The following PCSK2 variants were observed in gnomAD, a reference collection of about 807,000 sequenced individuals.
The protein encoded by PCSK2 is proprotein convertase subtilisin/kexin type 2.
A neutral mutation model predicts 69.7 loss-of-function variants in PCSK2; 14 were observed. The observed-to-expected ratio is 0.20, with a 90% CI of 0.13 to 0.31. The LOEUF (loss-of-function observed/expected upper bound fraction) is 0.31. Ranked by LOEUF, PCSK2 falls within the 10% of genes least tolerant of loss-of-function variation. The probability of loss-of-function intolerance (pLI) is 1.00; values close to 1 mark genes in which losing one functional copy is unlikely to be tolerated. For missense variants in PCSK2, 544 were observed against 842.5 expected, an observed-to-expected ratio of 0.65 and a Z score of 4.39; for synonymous variants, 307 against 320.7, an observed-to-expected ratio of 0.96 and a Z score of 0.46.
At chr20:17,444,854 C>A (rs372409355) in intron 8 of PCSK2, among the ~76,000 whole-genome samples, 24 of 152,366 alleles carry the variant, frequency 1.6e-4, no homozygotes, top group African/African-American at 5.8e-4. Flanking sequence ...TGGAATAAAA[C>A]CCATTGATGA....
chr20:17,376,486 C>A (rs766111341), intron 5 of PCSK2, among the ~76,000 whole-genome samples: 15 of 152,288 alleles, frequency 9.8e-5, no homozygotes, highest in Middle Eastern at 3.4e-3. Context: ...GGCTTCTAGG[C>A]CTATCCTAGA....
chr20:17,438,606 A>G (rs2032533357), intron 8 of PCSK2, among the ~76,000 whole-genome samples: 1 of 152,190 alleles, frequency 6.6e-6, no homozygotes, highest in Admixed American at 6.5e-5. Flanking sequence ...AATGGATGCC[A>G]TTGGTGCCCA....
At chr20:17,407,772 C>T (rs939206740) in intron 5 of PCSK2, among the ~76,000 whole-genome samples, 5 of 152,118 alleles carry the variant, frequency 3.3e-5, no homozygotes, top group South Asian at 4.2e-4. Flanking sequence ...TCAGTGGAGA[C>T]GAGAAGACTT....
chr20:17,422,627 G>A (rs1054293413), intron 6 of PCSK2, among the ~76,000 whole-genome samples: 1 of 151,936 alleles, frequency 6.6e-6, no homozygotes, highest in African/African-American at 2.4e-5. Flanking sequence ...AGGAAAAAAG[G>A]AGAAAAAAGA....
In PCSK2 at chr20:17,336,695, C is replaced by T. The variant is rs115055566; in HGVS notation, c.283-21632C>T. On this transcript the variant is annotated intron_variant, in intron 2 of 11. Transcript: ENST00000262545. ...AAACTACACATCATTGTTCACACTT[C>T]GTCATTTGCTAATTGATAATACAGC... 6.0e-3 allele frequency among the ~76,000 whole-genome samples: 907 copies of T among 152,244 alleles called. 9 individuals carry two copies. The highest frequency in any genetic ancestry group is 0.021 in the African/African-American group (871 of 41,552).
At chr20:17,418,051 G>A (rs1056581397) in intron 6 of PCSK2, among the ~76,000 whole-genome samples, 30 of 152,052 alleles carry the variant, frequency 2.0e-4, no homozygotes, top group Admixed American at 1.9e-3. Flanking sequence ...CAAATGATTG[G>A]GCAACAGATG....
chr20:17,415,754 G>C (rs567283893), intron 6 of PCSK2, among the ~76,000 whole-genome samples: 2 of 152,246 alleles, frequency 1.3e-5, no homozygotes, highest in Admixed American at 1.3e-4. Flanking sequence ...AACAAAGCTG[G>C]AGGCATCACG....
intron 5 of PCSK2, among the ~76,000 whole-genome samples, chr20:17,407,433 G>GA (rs200154821): frequency 0.021 from 3,193 of 151,814 alleles, 93 homozygotes; most frequent in African/African-American, 0.064. Flanking sequence ...TTGAAGCCCA[G>GA]AAAAAAAAGT....
chr20:17,409,859 T>C (rs2123303837), intron 6 of PCSK2, among the ~76,000 whole-genome samples: 1 of 152,334 alleles, frequency 6.6e-6, no homozygotes, highest in South Asian at 2.1e-4. Context: ...AAACAGTCCA[T>C]CCAAGAGAAT....
At chr20:17,287,141 T>C (rs1238428313) in intron 2 of PCSK2, among the ~76,000 whole-genome samples, 5 of 151,912 alleles carry the variant, frequency 3.3e-5, no homozygotes, top group African/African-American at 1.2e-4. Flanking sequence ...CTCACTTAAA[T>C]GTTAATCACA....
At chr20:17,229,458 A>AG (rs1986066743) in intron 1 of PCSK2, among the ~76,000 whole-genome samples, 1 of 149,338 alleles carries the variant, frequency 6.7e-6, no homozygotes, top group Non-Finnish European at 1.5e-5. Flanking sequence ...AGGGAGCCAT[A>AG]GGTTTCTGAA....
chr20:17,404,014 T>C (rs1006994754), intron 5 of PCSK2, among the ~76,000 whole-genome samples: 3 of 152,158 alleles, frequency 2.0e-5, no homozygotes, highest in Non-Finnish European at 4.4e-5. Flanking sequence ...AGAAAAGATG[T>C]CCCCTTCTGG....
chr20:17,421,807 TAAAAAAAAAA>T (rs56376793), intron 6 of PCSK2, among the ~76,000 whole-genome samples: 151 of 78,966 alleles, frequency 1.9e-3, no homozygotes, highest in African/African-American at 3.1e-3. Context: ...GGAAGAGAGG[TAAAAAAAAAA>T]AAAAAAAAAA....
rs2033461109 is a variant in PCSK2 at position 17,484,463 on chromosome 20, A to G, written c.*2393A>G. The G allele has an allele frequency of 1.3e-5, 2 of 152,582 alleles. No homozygotes were observed. The highest frequency in any genetic ancestry group is 4.8e-5 in the African/African-American group (2 of 41,458). 9.5% of individuals were successfully genotyped at this position (152,582 alleles called of 1,614,324 possible). ...GTCATTTATTTTAAAAAATGAAAAT[A>G]AGTGAATAATAATTAGGTTAACATT... On this transcript the variant is annotated 3_prime_UTR_variant, in exon 12 of 12. Coordinates refer to ENST00000262545, the MANE Select transcript of PCSK2 (RefSeq NM_002594.5).
intron 6 of PCSK2, among the ~76,000 whole-genome samples, chr20:17,419,007 G>A (rs2032064212): frequency 6.6e-6 from 1 of 152,204 alleles, no homozygotes; most frequent in South Asian, 2.1e-4. Context: ...TGTGAAAATA[G>A]AAAATAAAAT....
At chr20:17,406,274 C>T (rs947479942) in intron 5 of PCSK2, among the ~76,000 whole-genome samples, 9 of 152,236 alleles carry the variant, frequency 5.9e-5, no homozygotes, top group Middle Eastern at 3.4e-3. Context: ...ATAAACAGAA[C>T]GCTTGCAAAA....
At chr20:17,359,330 G>A (rs2030313416) in intron 3 of PCSK2, among the ~76,000 whole-genome samples, 1 of 152,154 alleles carries the variant, frequency 6.6e-6, no homozygotes. Flanking sequence ...GAGTGTACTT[G>A]TATTAGTTAG....
At chr20:17,421,442 A>G (rs1032933269) in intron 6 of PCSK2, among the ~76,000 whole-genome samples, 14 of 152,174 alleles carry the variant, frequency 9.2e-5, no homozygotes, top group Admixed American at 5.2e-4. Context: ...CTCATTGGAC[A>G]TTAGCCAGCA....
intron 2 of PCSK2, among the ~76,000 whole-genome samples, chr20:17,308,816 T>G (rs1181428593): frequency 1.3e-5 from 2 of 152,056 alleles, no homozygotes; most frequent in African/African-American, 4.8e-5. Context: ...CCCCATGTGG[T>G]CTCCCATCTT....
Sources: allele counts gnomAD v4.1 joint callset (sites outside exome capture counted in the v4.1 genomes callset), GRCh38; gene constraint gnomAD v4.1.1; transcripts MANE v1.5; gene names NCBI Gene and HGNC (gene_info 2026-07-23, HGNC 2026-07-21).